The following KIAA2012 variants were observed in gnomAD, a reference collection of about 807,000 sequenced individuals.
The protein encoded by KIAA2012 is KIAA2012, also known as uncharacterized protein KIAA2012.
In KIAA2012, 125 loss-of-function variants were observed where a neutral mutation model predicts 150.6. That is an observed-to-expected ratio of 0.83 (90% CI 0.72 to 0.96). The LOEUF is 0.96. Among genes scored for constraint, KIAA2012 ranks in the 40% least tolerant of loss-of-function variants. The pLI is 0.00. For missense variants in KIAA2012, 1,219 were observed against 1,354.9 expected (o/e 0.90, Z 1.57); for synonymous variants, 462 against 504.7 (o/e 0.92, Z 1.13).
chr2:202,131,811 A>G (rs1224672383), intron 12 of KIAA2012, among the ~76,000 whole-genome samples: 1 of 152,204 alleles, frequency 6.6e-6, no homozygotes, highest in Non-Finnish European at 1.5e-5. Flanking sequence ...CCCAGGGTAC[A>G]TGCAGGGGAA....
intron 6 of KIAA2012, 146 bp downstream of exon 6, chr2:202,099,942 G>C: frequency 2.6e-6 from 2 of 770,890 alleles, no homozygotes; most frequent in Non-Finnish European, 4.0e-6. Context: ...ACGTGGGAAT[G>C]AGACTCTGGC....
intron 22 of KIAA2012, among the ~76,000 whole-genome samples, chr2:202,202,095 G>A (rs1481395648): frequency 6.6e-6 from 1 of 152,172 alleles, no homozygotes; most frequent in Non-Finnish European, 1.5e-5. Context: ...TGGCCTATCT[G>A]CCTGCCTCTA....
At chr2:202,155,885 A>G (rs1376364892) in intron 14 of KIAA2012, among the ~76,000 whole-genome samples, 1 of 152,200 alleles carries the variant, frequency 6.6e-6, no homozygotes, top group Non-Finnish European at 1.5e-5. Context: ...CTCTTCCCCA[A>G]GGGTGGCAAG....
At chr2:202,101,652 C>T (rs1206202460) in intron 7 of KIAA2012, among the ~76,000 whole-genome samples, 1 of 152,216 alleles carries the variant, frequency 6.6e-6, no homozygotes, top group Non-Finnish European at 1.5e-5. Flanking sequence ...ATTTGAGTTT[C>T]CACATTGATT....
chr2:202,154,791 A>G lies in KIAA2012; in HGVS notation c.2027A>G (p.Asp676Gly). 1.3e-6 allele frequency: 2 copies of G among 1,547,828 alleles called. No homozygotes were observed. The highest frequency in any genetic ancestry group is 1.7e-6 in the Non-Finnish European group (2 of 1,146,388). ...TTTTACACGCGCAAGCTGCACATCG[A>G]CATGACGCCGTTCCTGAAGGTGATC... is the stretch of plus-strand genomic sequence containing the variant. ...KEFYTRKLHI[D>G]MTPFLKESGN... is the part of the protein sequence containing the mutation. Residue 676 changes from aspartate (D) to glycine (G), a missense_variant, in exon 14 of 24, where the codon GAC becomes GGC. Asp to Gly is a moderately conservative substitution (Grantham distance 94). Transcript: ENST00000498697.
intron 13 of KIAA2012, among the ~76,000 whole-genome samples, chr2:202,141,166 T>C (rs931014414): frequency 6.6e-6 from 1 of 152,166 alleles, no homozygotes; most frequent in Admixed American, 6.5e-5. Context: ...GCCTTCACCT[T>C]GTCTCCTCAG....
At chr2:202,125,001 C>G (rs942689604) in intron 11 of KIAA2012, among the ~76,000 whole-genome samples, 2 of 152,180 alleles carry the variant, frequency 1.3e-5, no homozygotes, top group African/African-American at 4.8e-5. Context: ...ACCCTGTAGG[C>G]AGAGGTTGCA....
intron 13 of KIAA2012, among the ~76,000 whole-genome samples, chr2:202,140,686 A>C (rs1347171214): frequency 6.6e-6 from 1 of 152,180 alleles, no homozygotes; most frequent in African/African-American, 2.4e-5. Context: ...GACTAATTTC[A>C]TGTTTATTAT....
intron 2 of KIAA2012, among the ~76,000 whole-genome samples, chr2:202,089,874 T>C (rs1689674179): frequency 6.6e-6 from 1 of 152,226 alleles, no homozygotes; most frequent in Non-Finnish European, 1.5e-5. Flanking sequence ...TTGTCAATAT[T>C]TATCAAATGA....
chr2:202,169,020 G>A (rs1185623950), intron 15 of KIAA2012, among the ~76,000 whole-genome samples: 2 of 152,134 alleles, frequency 1.3e-5, no homozygotes, highest in East Asian at 1.9e-4. Context: ...GACTTCAAAC[G>A]AGATGGAAGG....
chr2:202,186,817 C>T, intron 16 of KIAA2012, 116 bp from the exon 17 acceptor site: 1 of 960,150 alleles, frequency 1.0e-6, no homozygotes, highest in Non-Finnish European at 1.5e-6. Context: ...CTAAGTATGT[C>T]AAATGTCAGG....
chr2:202,124,122 G>A (rs1228248533), intron 11 of KIAA2012, among the ~76,000 whole-genome samples: 1 of 152,186 alleles, frequency 6.6e-6, no homozygotes, highest in Admixed American at 6.5e-5. Flanking sequence ...GAACCCAGGT[G>A]GTGGAGGTTG....
At chr2:202,152,058 C>T (rs1465437187) in intron 13 of KIAA2012, among the ~76,000 whole-genome samples, 1 of 152,198 alleles carries the variant, frequency 6.6e-6, no homozygotes, top group African/African-American at 2.4e-5. Flanking sequence ...AGCCACTGCA[C>T]CGGACCTAGC....
chr2:202,113,298 C>T (rs547172583), intron 10 of KIAA2012, 38 bp from the exon 11 acceptor site: 62 of 1,490,634 alleles, frequency 4.2e-5, no homozygotes, highest in East Asian at 3.2e-4. Context: ...CTCACCAACA[C>T]GGTACTGACA....
rs1460681190 is a variant in KIAA2012 at position 202,130,087 on chromosome 2, C to G, written c.1831+4805C>G. Among the ~76,000 whole-genome samples, 3 of 151,776 alleles carry G rather than the reference C, an allele frequency of 2.0e-5. No homozygotes were observed. In the East Asian group the frequency reaches 5.8e-4, roughly 29 times the overall value. On this transcript the variant is annotated intron_variant, in intron 12 of 23. Transcript: ENST00000498697. ...TACATACACATGCATTTTTAATGGC[C>G]CTAAAAAAAAGCTGACTGCTGGGAC...
At chr2:202,149,596 G>C (rs537061881) in intron 13 of KIAA2012, among the ~76,000 whole-genome samples, 1 of 152,338 alleles carries the variant, frequency 6.6e-6, no homozygotes, top group Non-Finnish European at 1.5e-5. Context: ...CTTAATGAGA[G>C]ACAATCGCTC....
rs1347187757 is a variant in KIAA2012, at chr2:202,193,475, G to A, written c.2986G>A (p.Glu996Lys). 6.5e-7 allele frequency: 1 copy of A among 1,550,072 alleles called. No homozygotes were observed. The highest frequency in any genetic ancestry group is 8.7e-7 in the Non-Finnish European group (1 of 1,146,886). ...AKKMEEELEL[E>K]QQRRTEEIRL... is the part of the protein sequence containing the mutation. The stretch of plus-strand genomic sequence containing the variant: ...AAAGATGGAGGAGGAGCTGGAGCTG[G>A]AGCAGCAGAGACGTACAGAAGAGAT... The change falls in exon 20 of 24, where the codon GAG becomes AAG. Residue 996 changes from glutamate (E) to lysine (K), a missense_variant. Glu to Lys is a moderately conservative substitution (Grantham distance 56). Coordinates refer to ENST00000498697, the MANE Select transcript of KIAA2012 (RefSeq NM_001277372.4).
In KIAA2012 at chr2:202,113,398, C is replaced by G; in HGVS notation, c.1714C>G (p.Leu572Val). ...GGGTCCAGATGGAGAAAAAGTCTGC[C>G]TGTCCCTCCCAGGGCATACCCAAAC... ...LLGPDGEKVCLSLPGHTQTEA... is the reference protein window; with the variant it reads ...LLGPDGEKVCVSLPGHTQTEA... Residue 572 changes from leucine to valine, a missense_variant, in exon 11 of 24, where the codon CTG (leucine) becomes GTG (valine). By Grantham distance (32) the Leu-to-Val change is conservative. Coordinates refer to ENST00000498697, the MANE Select transcript of KIAA2012 (RefSeq NM_001277372.4). The G allele has an allele frequency of 6.4e-7, 1 of 1,550,654 alleles. No individual in the cohort carries two copies. The highest frequency in any genetic ancestry group is 8.7e-7 in the Non-Finnish European group (1 of 1,147,004).
At chr2:202,180,669 C>CA (rs1254824295) in intron 15 of KIAA2012, among the ~76,000 whole-genome samples, 1 of 151,890 alleles carries the variant, frequency 6.6e-6, no homozygotes, top group African/African-American at 2.4e-5. Context: ...ACTAAAAATA[C>CA]AAAAAATTAG....
Sources: allele counts gnomAD v4.1 joint callset (sites outside exome capture counted in the v4.1 genomes callset), GRCh38; gene constraint gnomAD v4.1.1; transcripts MANE v1.5; gene names NCBI Gene and HGNC (gene_info 2026-07-23, HGNC 2026-07-21).